INVS: variants seen among roughly 807,000 people sequenced by gnomAD.
INVS encodes inversion of embryo turning homolog.
In INVS, 86 loss-of-function variants were observed where a neutral mutation model predicts 108.8. The observed-to-expected ratio is 0.79, with a 90% CI of 0.66 to 0.95. The LOEUF (loss-of-function observed/expected upper bound fraction) is 0.95. Among genes scored for constraint, INVS ranks in the 40% least tolerant of loss-of-function variants. The pLI is 0.00. For missense variants in INVS, 1,169 were observed against 1,297.4 expected (o/e 0.90, Z 1.52); for synonymous variants, 455 against 473.5 (o/e 0.96, Z 0.51).
chr9:100,178,665 T>C (rs1829789307), intron 3 of INVS, among the ~76,000 whole-genome samples: 1 of 152,158 alleles, frequency 6.6e-6, no homozygotes, highest in Non-Finnish European at 1.5e-5. Flanking sequence ...CTATGTTTGA[T>C]TGGTGTACCT....
At chr9:100,145,111 T>C (rs1474744924) in intron 3 of INVS, among the ~76,000 whole-genome samples, 1 of 151,790 alleles carries the variant, frequency 6.6e-6, no homozygotes, top group Non-Finnish European at 1.5e-5. Context: ...CAAGTGTGAG[T>C]TGAAGAGGTT....
intron 1 of INVS, among the ~76,000 whole-genome samples, chr9:100,100,618 ATG>A (rs1220209595): frequency 3.5e-5 from 3 of 86,924 alleles, no homozygotes; most frequent in African/African-American, 9.6e-5. Context: ...TATATAATAT[ATG>A]TATATATAAT....
rs545525750 is a variant in INVS at position 100,152,627 on chromosome 9, A to G, written c.273+26078A>G. 1.1e-4 allele frequency among the ~76,000 whole-genome samples: 16 copies of G among 152,288 alleles called. No homozygotes were observed. In the South Asian group the frequency reaches 3.3e-3, roughly 32 times the overall value. On this transcript the variant is annotated intron_variant, in intron 3 of 16. Transcript: ENST00000262457. Reference sequence around the variant, plus strand: ...ATTTATTCATTCATTCATTTGTTCAACAGATAAATTTTTAGTATTTAATAT... The same window carrying G: ...ATTTATTCATTCATTCATTTGTTCAGCAGATAAATTTTTAGTATTTAATAT...
intron 3 of INVS, among the ~76,000 whole-genome samples, chr9:100,208,990 G>A (rs966141190): frequency 6.6e-6 from 1 of 152,118 alleles, no homozygotes; most frequent in Non-Finnish European, 1.5e-5. Context: ...GCTTTGAGAA[G>A]TAACTTGCTC....
intron 3 of INVS, among the ~76,000 whole-genome samples, chr9:100,148,278 A>C (rs767338883): frequency 4.6e-5 from 7 of 152,208 alleles, no homozygotes; most frequent in Non-Finnish European, 7.3e-5. Context: ...GGGTAGAGGA[A>C]GGAATGATGC....
intron 13 of INVS, among the ~76,000 whole-genome samples, chr9:100,291,167 G>C (rs1450822122): frequency 6.6e-6 from 1 of 151,796 alleles, no homozygotes; most frequent in Admixed American, 6.6e-5. Flanking sequence ...GAGTTCAAGC[G>C]ATTCTCCTGC....
intron 2 of INVS, among the ~76,000 whole-genome samples, chr9:100,106,361 C>G (rs1324562055): frequency 6.6e-6 from 1 of 152,098 alleles, no homozygotes; most frequent in Non-Finnish European, 1.5e-5. Flanking sequence ...TTCAACCTTT[C>G]TTCTATGCTA....
rs1236225033 is a variant in INVS, at chr9:100,168,919, C to T, written c.273+42370C>T. On this transcript the variant is annotated intron_variant, in intron 3 of 16. Transcript: ENST00000262457. Reference sequence around the variant, plus strand: ...ATCCAGGTTGGTTCTTTTGTCTTTGCTGATGCCAGAAGATAAACCACTTGA... The same window carrying T: ...ATCCAGGTTGGTTCTTTTGTCTTTGTTGATGCCAGAAGATAAACCACTTGA... Among the ~76,000 whole-genome samples the T allele has an allele frequency of 7.2e-5, 11 of 152,144 alleles. No individual in the cohort carries two copies. The East Asian group carries it at 2.1e-3, about 29-fold the overall frequency.
At chr9:100,209,491 C>G (rs181144292) in intron 3 of INVS, among the ~76,000 whole-genome samples, 72 of 152,244 alleles carry the variant, frequency 4.7e-4, no homozygotes, top group African/African-American at 1.6e-3. Context: ...TCAGTACTGG[C>G]CGGGTGCAGT....
intron 3 of INVS, among the ~76,000 whole-genome samples, chr9:100,182,057 GC>G (rs1328344329): frequency 3.3e-5 from 5 of 152,118 alleles, no homozygotes; most frequent in Non-Finnish European, 5.9e-5. Context: ...AAAATGGCTA[GC>G]CATATGCAGA....
In INVS at chr9:100,292,686, G is replaced by A. The variant is rs772496111; in HGVS notation, c.2429G>A (p.Arg810His). The A allele has an allele frequency of 5.0e-6, 8 of 1,614,052 alleles. No individual in the cohort carries two copies. Among genetic ancestry groups the A allele is most frequent in the Admixed American group, 1.7e-5 (1 of 60,008 alleles). Residue 810 changes from arginine (R) to histidine (H), a missense_variant, in exon 14 of 17, where the codon CGC becomes CAC. By Grantham distance (29) the Arg-to-His change is conservative. This residue lies in a region of INVS where 533 missense variants were observed against 536.0 expected (regional missense o/e 0.99). Transcript: ENST00000262457. Reference sequence around the variant, plus strand: ...AGGTGCTCTCCGGCTGGTTCTAGCCGCCCTGGCAGTGCCCGGGGGGAGGCG... The same window carrying A: ...AGGTGCTCTCCGGCTGGTTCTAGCCACCCTGGCAGTGCCCGGGGGGAGGCG... ...GGRCSPAGSS[R>H]PGSARGEAVH...
At chr9:100,147,430 G>A (rs149471858) in intron 3 of INVS, among the ~76,000 whole-genome samples, 72 of 152,296 alleles carry the variant, frequency 4.7e-4, no homozygotes, top group African/African-American at 1.5e-3. Context: ...TCAAATATAC[G>A]TATAAAAGTC....
At chr9:100,154,849 T>C (rs1450979143) in intron 3 of INVS, among the ~76,000 whole-genome samples, 5 of 152,188 alleles carry the variant, frequency 3.3e-5, no homozygotes, top group Admixed American at 1.3e-4. Flanking sequence ...AAGCTAGTCT[T>C]ATCTGAGTAT....
intron 2 of INVS, among the ~76,000 whole-genome samples, chr9:100,121,086 T>G (rs1260742863): frequency 6.6e-6 from 1 of 152,124 alleles, no homozygotes; most frequent in Non-Finnish European, 1.5e-5. Context: ...AATTTTAAAA[T>G]TCATTGCAGT....
At chr9:100,138,157 A>G (rs1279024156) in intron 3 of INVS, among the ~76,000 whole-genome samples, 1 of 152,128 alleles carries the variant, frequency 6.6e-6, no homozygotes, top group African/African-American at 2.4e-5. Context: ...TGTAATCCCA[A>G]TACTTTGGGA....
At chr9:100,160,525 A>G (rs982281894) in intron 3 of INVS, among the ~76,000 whole-genome samples, 10 of 152,130 alleles carry the variant, frequency 6.6e-5, no homozygotes, top group African/African-American at 2.4e-4. Context: ...GCATTTATAC[A>G]TTCTCCTCAT....
At chr9:100,282,957 C>T (rs1411309497) in intron 12 of INVS, among the ~76,000 whole-genome samples, 2 of 152,176 alleles carry the variant, frequency 1.3e-5, no homozygotes, top group Admixed American at 6.5e-5. Flanking sequence ...AAGTCGGAAT[C>T]CATAATTACC....
chr9:100,179,617 A>G (rs1471610541), intron 3 of INVS, among the ~76,000 whole-genome samples: 1 of 152,196 alleles, frequency 6.6e-6, no homozygotes, highest in Non-Finnish European at 1.5e-5. Flanking sequence ...TATGCACCCA[A>G]TACAGAACCA....
intron 12 of INVS, 120 bp from the exon 13 acceptor site, chr9:100,284,200 G>A (rs1833361380): frequency 1.7e-6 from 2 of 1,203,212 alleles, no homozygotes; most frequent in Non-Finnish European, 2.4e-6. Context: ...CTTGGAAAAT[G>A]CAAATTTCCA....
Sources: gnomAD v4.1 joint callset for allele counts (sites outside exome capture counted in the v4.1 genomes callset) on GRCh38, gnomAD v4.1.1 for gene constraint, gnomAD v4.1.1 regional missense constraint, MANE v1.5 for transcripts, NCBI Gene and HGNC (gene_info 2026-07-23, HGNC 2026-07-21) for gene names.